The following PRLR variants were observed in gnomAD, a reference collection of about 807,000 sequenced individuals.
The protein encoded by PRLR is hPRL receptor.
A neutral mutation model predicts 40.2 loss-of-function variants in PRLR; 13 were observed. That is an observed-to-expected ratio of 0.32 (90% CI 0.21 to 0.51). The LOEUF (loss-of-function observed/expected upper bound fraction) is 0.51. PRLR is among the 20% of genes least tolerant of loss of function. PRLR has a pLI of 0.97. For synonymous variants in PRLR, 269 were observed against 278.7 expected (o/e 0.97, Z 0.35); for missense variants, 656 against 747.3 (o/e 0.88, Z 1.42).
chr5:35,203,356 G>GTCTT (rs1775929560), intron 1 of PRLR, among the ~76,000 whole-genome samples: 2 of 152,184 alleles, frequency 1.3e-5, no homozygotes, highest in South Asian at 4.1e-4. Flanking sequence ...TACAGCAGAT[G>GTCTT]TCTTGCTCAG....
At chr5:35,153,731 C>A (rs1774404968) in intron 1 of PRLR, among the ~76,000 whole-genome samples, 1 of 147,844 alleles carries the variant, frequency 6.8e-6, no homozygotes. Flanking sequence ...CACACACACA[C>A]ACACACACTG....
intron 1 of PRLR, among the ~76,000 whole-genome samples, chr5:35,207,056 T>C (rs1776040917): frequency 1.3e-5 from 2 of 152,140 alleles, no homozygotes; most frequent in African/African-American, 4.8e-5. Context: ...CCCAAGTTTA[T>C]TTTATTAGCT....
intron 1 of PRLR, among the ~76,000 whole-genome samples, chr5:35,196,320 G>C (rs1232274084): frequency 6.6e-6 from 1 of 152,178 alleles, no homozygotes; most frequent in Non-Finnish European, 1.5e-5. Flanking sequence ...GACAGGGAGT[G>C]AAGAGGGAAA....
intron 1 of PRLR, among the ~76,000 whole-genome samples, chr5:35,144,610 T>C (rs570512933): frequency 6.4e-4 from 97 of 150,780 alleles, no homozygotes; most frequent in African/African-American, 2.2e-3. Context: ...CACACCACCA[T>C]GCCTGGCTAA....
chr5:35,080,101 G>A (rs1274025691), intron 5 of PRLR, among the ~76,000 whole-genome samples: 8 of 152,116 alleles, frequency 5.3e-5, no homozygotes, highest in African/African-American at 1.7e-4. Context: ...AGAAAACCTA[G>A]GCAATACCAT....
chr5:35,117,850 A>T (rs893092206), intron 2 of PRLR, among the ~76,000 whole-genome samples: 8 of 152,232 alleles, frequency 5.3e-5, no homozygotes, highest in Non-Finnish European at 1.2e-4. Context: ...TTTGAGAAAA[A>T]CAGAAAAGGA....
intron 2 of PRLR, among the ~76,000 whole-genome samples, chr5:35,098,845 A>G (rs956719213): frequency 2.6e-5 from 4 of 152,172 alleles, no homozygotes; most frequent in Non-Finnish European, 5.9e-5. Context: ...GGGCCCAAAG[A>G]CTTGAAAGGT....
chr5:35,076,254 A>C (rs1011456314), intron 5 of PRLR, among the ~76,000 whole-genome samples: 8 of 152,178 alleles, frequency 5.3e-5, no homozygotes, highest in African/African-American at 1.9e-4. Context: ...CTCTGAGCTA[A>C]AGGAGGATGT....
At chr5:35,183,986 C>T (rs545607783) in intron 1 of PRLR, among the ~76,000 whole-genome samples, 23 of 152,286 alleles carry the variant, frequency 1.5e-4, no homozygotes, top group African/African-American at 5.3e-4. Flanking sequence ...ACTCTACAGT[C>T]GATCAGACTA....
At chr5:35,216,396 G>A (rs919557728) in intron 1 of PRLR, among the ~76,000 whole-genome samples, 3 of 152,076 alleles carry the variant, frequency 2.0e-5, no homozygotes, top group African/African-American at 4.8e-5. Context: ...AAAGTGGGAG[G>A]GGGACAAGAA....
At chr5:35,053,026 A>T (rs1277148200), downstream of PRLR, among the ~76,000 whole-genome samples, 1 of 152,210 alleles carries the variant, frequency 6.6e-6, no homozygotes, top group Non-Finnish European at 1.5e-5. Context: ...AGTGACTTTT[A>T]GTGAACCCTC....
downstream of PRLR, among the ~76,000 whole-genome samples, chr5:35,052,573 G>A (rs530152304): frequency 2.0e-5 from 3 of 152,220 alleles, no homozygotes; most frequent in Admixed American, 6.5e-5. Context: ...ACTTCCCCAA[G>A]GCAGGTCATG....
chr5:35,127,037 C>A (rs1773494177), intron 1 of PRLR, among the ~76,000 whole-genome samples: 1 of 152,156 alleles, frequency 6.6e-6, no homozygotes, highest in Non-Finnish European at 1.5e-5. Context: ...TAAGAACTGC[C>A]TAAATATGTA....
intron 2 of PRLR, among the ~76,000 whole-genome samples, chr5:35,111,608 A>G (rs1772663674): frequency 6.6e-6 from 1 of 152,242 alleles, no homozygotes; most frequent in Admixed American, 6.5e-5. Flanking sequence ...ATTTATAAAA[A>G]CAGAATCATG....
chr5:35,224,512 C>G (rs1185028722), intron 1 of PRLR, among the ~76,000 whole-genome samples: 2 of 152,138 alleles, frequency 1.3e-5, no homozygotes, highest in Non-Finnish European at 2.9e-5. Flanking sequence ...TGGAAATGAA[C>G]AAATGTTATT....
chr5:35,222,720 G>C (rs1776455307), intron 1 of PRLR, among the ~76,000 whole-genome samples: 1 of 152,070 alleles, frequency 6.6e-6, no homozygotes, highest in Non-Finnish European at 1.5e-5. Context: ...GACTCACTTT[G>C]GGAGTTTAAT....
rs567779633 is a variant in PRLR at position 35,199,066 on chromosome 5, G to A, written c.-106+31202C>T. The stretch of plus-strand genomic sequence containing the variant: ...GTCCCTTGGCAGGAAGCTCTTGCAG[G>A]GCTTCTCCTCCGAAGCAGGAAAGAC... On this transcript the variant is annotated intron_variant, in intron 1 of 9. Coordinates refer to ENST00000618457, the MANE Select transcript of PRLR (RefSeq NM_000949.7). Among the ~76,000 whole-genome samples the A allele has an allele frequency of 1.1e-4, 17 of 152,240 alleles. No individual in the cohort carries two copies. In the South Asian group the frequency reaches 3.5e-3, roughly 32 times the overall value.
At chr5:35,076,393 T>G (rs1427981781) in intron 5 of PRLR, among the ~76,000 whole-genome samples, 1 of 152,164 alleles carries the variant, frequency 6.6e-6, no homozygotes, top group African/African-American at 2.4e-5. Context: ...AACTATGTGA[T>G]GCATGCACAA....
At chr5:35,109,146 G>A (rs1772475781) in intron 2 of PRLR, among the ~76,000 whole-genome samples, 1 of 152,132 alleles carries the variant, frequency 6.6e-6, no homozygotes, top group Non-Finnish European at 1.5e-5. Flanking sequence ...AATGGTGCTG[G>A]GAAAACTGGC....
Sources: allele counts gnomAD v4.1 joint callset (sites outside exome capture counted in the v4.1 genomes callset), GRCh38; gene constraint gnomAD v4.1.1; transcripts MANE v1.5; gene names NCBI Gene and HGNC (gene_info 2026-07-23, HGNC 2026-07-21).